Variants in MAN1A2 observed in about 807,000 individuals in gnomAD.
The protein encoded by MAN1A2 is mannosidase alpha class 1A member 2, also known as mannosyl-oligosaccharide 1,2-alpha-mannosidase IB.
MAN1A2 carries 26 observed loss-of-function variants against 75.7 expected under a neutral mutation model. That is an observed-to-expected ratio of 0.34 (90% CI 0.25 to 0.48). MAN1A2 has a LOEUF of 0.48. Among genes scored for constraint, MAN1A2 ranks in the 20% least tolerant of loss-of-function variants. The pLI, the probability that MAN1A2 is intolerant of heterozygous loss-of-function variation, is 0.99. For missense variants in MAN1A2, 562 were observed against 775.5 expected, an observed-to-expected ratio of 0.72 and a Z score of 3.27; for synonymous variants, 247 against 264.6, an observed-to-expected ratio of 0.93 and a Z score of 0.65.
Position 117,525,229 on chromosome 1 carries a change from C to T in MAN1A2, c.*2272C>T. On this transcript the variant is annotated 3_prime_UTR_variant, in exon 13 of 13. Coordinates refer to ENST00000356554, the MANE Select transcript of MAN1A2 (RefSeq NM_006699.5). ...GTACAAACAAAGAATTTGACAGGGA[C>T]AATGGAAGGGTCTTCTTCACCACTC... is the stretch of plus-strand genomic sequence containing the variant. 4.3e-6 allele frequency: 2 copies of T among 467,880 alleles called. No homozygotes were observed. The highest frequency in any genetic ancestry group is 8.9e-6 in the Non-Finnish European group (2 of 225,214). 29.0% of individuals were successfully genotyped at this position (467,880 alleles called of 1,614,324 possible). A position where few individuals can be genotyped will look rare whatever the true frequency, so the allele number is the denominator to read the frequency against.
At chr1:117,371,003 A>G (rs746128664) in intron 1 of MAN1A2, among the ~76,000 whole-genome samples, 30 of 152,156 alleles carry the variant, frequency 2.0e-4, no homozygotes, top group Non-Finnish European at 3.8e-4. Context: ...TTAAAACTCT[A>G]TATTGTTTCC....
intron 6 of MAN1A2, 111 bp from the exon 7 acceptor site, chr1:117,460,378 G>A: frequency 1.6e-6 from 1 of 631,234 alleles, no homozygotes; most frequent in Non-Finnish European, 2.6e-6. Flanking sequence ...AAGCTATCGT[G>A]TCAGATATAA....
chr1:117,452,068 A>G (rs939024174), intron 6 of MAN1A2, among the ~76,000 whole-genome samples: 2 of 152,112 alleles, frequency 1.3e-5, no homozygotes, highest in Non-Finnish European at 2.9e-5. Flanking sequence ...GCACTTTGGG[A>G]GGCCGAGGAA....
In MAN1A2 at chr1:117,463,950, TCAAAA is replaced by T. The variant is rs373726201; in HGVS notation, c.1075-2379_1075-2375del. ...GAATAAAAGCAAGAGATAGTCATAGTCAAAACAAAGGAAAAGCAGAGATTAAAAAG... is the reference window on the plus strand; with the variant it reads ...GAATAAAAGCAAGAGATAGTCATAGTCAAAGGAAAAGCAGAGATTAAAAAG... On this transcript the variant is annotated intron_variant, in intron 7 of 12. Coordinates refer to ENST00000356554, the MANE Select transcript of MAN1A2 (RefSeq NM_006699.5). 7.3e-3 allele frequency among the ~76,000 whole-genome samples: 1,117 copies of T among 152,140 alleles called. 17 individuals carry two copies. Among genetic ancestry groups the T allele is most frequent in the African/African-American group, 0.026 (1,068 of 41,494 alleles).
At chr1:117,396,339 G>A (rs1570709223) in intron 1 of MAN1A2, among the ~76,000 whole-genome samples, 1 of 152,302 alleles carries the variant, frequency 6.6e-6, no homozygotes, top group East Asian at 1.9e-4. Flanking sequence ...GAAGTCAATG[G>A]TGAGACTTCT....
In MAN1A2 at chr1:117,390,095, T is replaced by G. The variant is rs577353100; in HGVS notation, c.303-12091T>G. ...TGTGTTTATGAGGGATATTAGTTTGTTTGTTTATTTATTTATTATATTTGT... is the reference window on the plus strand; with the variant it reads ...TGTGTTTATGAGGGATATTAGTTTGGTTGTTTATTTATTTATTATATTTGT... On this transcript the variant is annotated intron_variant, in intron 1 of 12. Coordinates refer to ENST00000356554, the MANE Select transcript of MAN1A2 (RefSeq NM_006699.5). Among the ~76,000 whole-genome samples the G allele has an allele frequency of 2.6e-5, 4 of 152,270 alleles. No homozygotes were observed. The East Asian group carries it at 7.7e-4, about 29-fold the overall frequency.
Position 117,431,072 on chromosome 1 carries a change from G to C in MAN1A2, c.855+10423G>C, listed in dbSNP as rs866767940. On this transcript the variant is annotated intron_variant, in intron 5 of 12. Transcript: ENST00000356554. ...AAACCAGTCAGGCGTGGCAGCGCGTGCCTGCAATCGCAGGCATTCGGCAGA... is the reference window on the plus strand; with the variant it reads ...AAACCAGTCAGGCGTGGCAGCGCGTCCCTGCAATCGCAGGCATTCGGCAGA... 4.6e-3 allele frequency among the ~76,000 whole-genome samples: 640 copies of C among 140,542 alleles called. 6 individuals are homozygous for C. Among genetic ancestry groups the C allele is most frequent in the African/African-American group, 0.016 (610 of 37,678 alleles). The allele number at this position is 140,542 out of a possible 152,430, so 92.2% of individuals were successfully genotyped here. A position where few individuals can be genotyped will look rare whatever the true frequency, so the allele number is the denominator to read the frequency against.
rs1394124115 is a variant in MAN1A2, at chr1:117,376,161, C to T, written c.302+7676C>T. Among the ~76,000 whole-genome samples, 6 of 152,292 alleles carry T rather than the reference C, an allele frequency of 3.9e-5. No individual in the cohort carries two copies. The East Asian group carries it at 5.8e-4, about 15-fold the overall frequency. On this transcript the variant is annotated intron_variant, in intron 1 of 12. Coordinates refer to ENST00000356554, the MANE Select transcript of MAN1A2 (RefSeq NM_006699.5). The stretch of plus-strand genomic sequence containing the variant: ...TCCTGACCTCGTGATCCGCCCGCCT[C>T]GGCCTCCCAAAGTGCTGGGATTACA...
chr1:117,439,832 A>T (rs10923296), intron 5 of MAN1A2, among the ~76,000 whole-genome samples: 13,923 of 152,196 alleles, frequency 0.091, 884 homozygotes, highest in Non-Finnish European at 0.14. Context: ...TCTTTGTGTT[A>T]ACAAGATATC....
intron 12 of MAN1A2, among the ~76,000 whole-genome samples, 154 bp downstream of exon 12, chr1:117,503,124 A>T (rs1425023542): frequency 6.6e-6 from 1 of 151,612 alleles, no homozygotes; most frequent in Non-Finnish European, 1.5e-5. Context: ...GCTACATCTC[A>T]AAAAGAATGA....
chr1:117,521,027 A>G (rs1651856109), intron 12 of MAN1A2, among the ~76,000 whole-genome samples: 1 of 152,054 alleles, frequency 6.6e-6, no homozygotes, highest in Non-Finnish European at 1.5e-5. Flanking sequence ...AGTTACAGCC[A>G]ACTGATCTTC....
chr1:117,457,287 T>C (rs1649634350), intron 6 of MAN1A2, among the ~76,000 whole-genome samples: 1 of 152,084 alleles, frequency 6.6e-6, no homozygotes, highest in Admixed American at 6.6e-5. Flanking sequence ...TCATTGCAAA[T>C]TTTTTGTTAC....
In MAN1A2 at chr1:117,412,072, A is replaced by G. The variant is rs552629855; in HGVS notation, c.656-2641A>G. ...ATTGAATTTTAAGATCTTTTTCCCT[A>G]TGTTATATAAAAGTTTGTATAGAAT... On this transcript the variant is annotated intron_variant, in intron 3 of 12. Transcript: ENST00000356554. 1.7e-3 allele frequency among the ~76,000 whole-genome samples: 252 copies of G among 151,830 alleles called. 1 individual carries two copies. Among genetic ancestry groups the G allele is most frequent in the African/African-American group, 5.8e-3 (241 of 41,492 alleles).
rs1339115399 is a variant in MAN1A2, at chr1:117,367,903, C to T, written c.-281C>T. On this transcript the variant is annotated 5_prime_UTR_variant, in exon 1 of 13. Coordinates refer to ENST00000356554, the MANE Select transcript of MAN1A2 (RefSeq NM_006699.5). ...GCAGTGTGGCTTGCCTGATCTACCC[C>T]TAGGAATGAAGAGGAGGCTTGTAAT... 6 of 354,512 alleles carry T rather than the reference C, an allele frequency of 1.7e-5. No homozygotes were observed. The highest frequency in any genetic ancestry group is 2.5e-5 in the Non-Finnish European group (5 of 196,436). The allele number at this position is 354,512 out of a possible 1,614,324, so 22.0% of individuals were successfully genotyped here. A position where few individuals can be genotyped will look rare whatever the true frequency, so the allele number is the denominator to read the frequency against.
chr1:117,443,383 C>A (rs1206698290), intron 6 of MAN1A2, among the ~76,000 whole-genome samples: 1 of 152,108 alleles, frequency 6.6e-6, no homozygotes, highest in Non-Finnish European at 1.5e-5. Flanking sequence ...AGTTCCAGAG[C>A]AAGCTCCATG....
chr1:117,423,869 TTTTCTTTC>T (rs555008747), intron 5 of MAN1A2, among the ~76,000 whole-genome samples: 1 of 151,166 alleles, frequency 6.6e-6, no homozygotes, highest in South Asian at 2.1e-4. Context: ...ATTTTTCTTT[TTTTCTTTC>T]TTTCTTTCTT....
chr1:117,412,950 A>C (rs1647870747), intron 3 of MAN1A2, among the ~76,000 whole-genome samples: 1 of 151,942 alleles, frequency 6.6e-6, no homozygotes, highest in Non-Finnish European at 1.5e-5. Context: ...AGGTAACTGG[A>C]GGAGCAGAAC....
At chr1:117,382,186 A>G (rs1262386809) in intron 1 of MAN1A2, among the ~76,000 whole-genome samples, 1 of 152,152 alleles carries the variant, frequency 6.6e-6, no homozygotes, top group Admixed American at 6.5e-5. Context: ...CTTTAGTTTA[A>G]TGAGATCCCA....
At chr1:117,372,795 A>G (rs1427238783) in intron 1 of MAN1A2, among the ~76,000 whole-genome samples, 1 of 150,118 alleles carries the variant, frequency 6.7e-6, no homozygotes, top group Non-Finnish European at 1.5e-5. Context: ...AATGGCATTT[A>G]TAGATGGGCT....
Sources: gnomAD v4.1 joint callset for allele counts (sites outside exome capture counted in the v4.1 genomes callset) on GRCh38, gnomAD v4.1.1 for gene constraint, MANE v1.5 for transcripts, NCBI Gene and HGNC (gene_info 2026-07-23, HGNC 2026-07-21) for gene names.